ZNF469: variants seen among roughly 807,000 people sequenced by gnomAD.
The protein encoded by ZNF469 is zinc finger protein 469.
ZNF469 carries 1 observed loss-of-function variant against 1.0 expected under a neutral mutation model. That is an observed-to-expected ratio of 1.00 (90% CI 0.35 to 4.73). The LOEUF is 4.73. Among genes scored for constraint, ZNF469 ranks in the 30% most tolerant of loss-of-function variants. ZNF469 has a pLI of 0.16. For missense variants in ZNF469, 6,100 were observed against 5,356.3 expected (o/e 1.14, Z -4.33); for synonymous variants, 2,703 against 2,363.4 (o/e 1.14, Z -4.17).
chr16:88,244,397 A>G, the ZNF469 span, among the ~76,000 whole-genome samples: 42 of 25,864 alleles, frequency 1.6e-3, no homozygotes, highest in African/African-American at 2.2e-3. Flanking sequence ...GCATGGGTGG[A>G]TGGATGGATG....
rs115032612 is a variant in ZNF469, at chr16:88,416,796, G to A, written c.-191-8011G>A. 1.5e-3 allele frequency among the ~76,000 whole-genome samples: 226 copies of A among 152,182 alleles called. 1 individual carries two copies. The highest frequency in any genetic ancestry group is 5.2e-3 in the African/African-American group (215 of 41,506). On this transcript the variant is annotated intron_variant, in intron 1 of 2. Coordinates refer to ENST00000565624, the MANE Select transcript of ZNF469 (RefSeq NM_001367624.2). Reference sequence around the variant, plus strand: ...TTCGCCCTTCCAGGGCTCCCTCCACGGGACCCAGCCTGCAGAAGGGTCCTG... The same window carrying A: ...TTCGCCCTTCCAGGGCTCCCTCCACAGGACCCAGCCTGCAGAAGGGTCCTG...
the ZNF469 span, among the ~76,000 whole-genome samples, chr16:88,336,398 A>G: frequency 1.3e-4 from 19 of 151,370 alleles, no homozygotes; most frequent in South Asian, 3.1e-3. Context: ...ACACATGTTC[A>G]TCCTTCACGT....
intron 1 of ZNF469, among the ~76,000 whole-genome samples, chr16:88,407,974 C>G (rs1226452717): frequency 2.0e-5 from 3 of 152,248 alleles, no homozygotes; most frequent in Admixed American, 6.5e-5. Flanking sequence ...CGGGCACTCA[C>G]TCCCCTTGCC....
At chr16:88,200,257 G>A in the ZNF469 span, among the ~76,000 whole-genome samples, 24 of 152,344 alleles carry the variant, frequency 1.6e-4, no homozygotes, top group East Asian at 4.1e-3. Context: ...AGTGGGAAAC[G>A]GAGAAAGGGC....
chr16:88,127,599 A>G, the ZNF469 span, among the ~76,000 whole-genome samples: 5 of 152,128 alleles, frequency 3.3e-5, no homozygotes, highest in Admixed American at 6.5e-5. Context: ...ATTTGTTGAG[A>G]GTGGAAAGGC....
chr16:88,116,550 G>A, the ZNF469 span, among the ~76,000 whole-genome samples: 2 of 152,158 alleles, frequency 1.3e-5, no homozygotes, highest in Admixed American at 6.5e-5. Flanking sequence ...GCCAAAAACC[G>A]TGCAGCTGCA....
chr16:88,357,632 G>T, the ZNF469 span, among the ~76,000 whole-genome samples: 1 of 152,214 alleles, frequency 6.6e-6, no homozygotes, highest in African/African-American at 2.4e-5. Context: ...GAAGAGGGGG[G>T]GCCCGGGCTT....
the ZNF469 span, among the ~76,000 whole-genome samples, chr16:88,193,210 ATGGTGGTGATGGTGGTGGTGGGGATGG>A: frequency 2.0e-4 from 3 of 14,768 alleles, no homozygotes; most frequent in Admixed American, 6.6e-4. Context: ...GGTGGTGGGG[ATGGTGGTGATGGTGGTGGTGGGGATGG>A]TGGTGGTGGT....
At chr16:88,422,991 G>A (rs1905542996) in intron 1 of ZNF469, among the ~76,000 whole-genome samples, 2 of 150,610 alleles carry the variant, frequency 1.3e-5, no homozygotes, top group African/African-American at 2.5e-5. Flanking sequence ...ATGGATGGAT[G>A]GATAGATGGA....
the ZNF469 span, among the ~76,000 whole-genome samples, chr16:88,162,140 A>C: frequency 3.3e-5 from 5 of 152,204 alleles, no homozygotes; most frequent in Non-Finnish European, 7.3e-5. Context: ...CTCCACATGG[A>C]AACATGAGAG....
chr16:88,244,198 T>G, the ZNF469 span, among the ~76,000 whole-genome samples: 1 of 131,366 alleles, frequency 7.6e-6, no homozygotes, highest in African/African-American at 2.9e-5. Context: ...GATGGATGGG[T>G]GGATACATGC....
At chr16:88,246,874 AG>A in the ZNF469 span, among the ~76,000 whole-genome samples, 3 of 152,018 alleles carry the variant, frequency 2.0e-5, no homozygotes, top group African/African-American at 2.4e-5. Context: ...TGAATGAGTG[AG>A]TGAATGAATG....
chr16:88,219,871 G>T, the ZNF469 span, among the ~76,000 whole-genome samples: 1 of 152,084 alleles, frequency 6.6e-6, no homozygotes, highest in African/African-American at 2.4e-5. Flanking sequence ...GCCCTCCGTG[G>T]GTACAGCTCA....
At chr16:88,148,382 C>A in the ZNF469 span, among the ~76,000 whole-genome samples, 1 of 152,188 alleles carries the variant, frequency 6.6e-6, no homozygotes, top group African/African-American at 2.4e-5. Flanking sequence ...CGGACACACA[C>A]CAATGGCCCA....
chr16:88,301,176 A>G, the ZNF469 span, among the ~76,000 whole-genome samples: 1 of 149,846 alleles, frequency 6.7e-6, no homozygotes, highest in Non-Finnish European at 1.5e-5. Context: ...TTTTTTTGAG[A>G]TGGAGTCTCG....
the ZNF469 span, among the ~76,000 whole-genome samples, chr16:88,263,469 C>G: frequency 1.3e-5 from 2 of 152,188 alleles, no homozygotes; most frequent in Non-Finnish European, 2.9e-5. Context: ...GGGAGATGTT[C>G]TGTGCCAACG....
the ZNF469 span, among the ~76,000 whole-genome samples, chr16:88,200,944 G>A: frequency 7.2e-5 from 11 of 152,226 alleles, no homozygotes; most frequent in Middle Eastern, 6.3e-3. Flanking sequence ...GGGGACCTCC[G>A]GCCCTGCCTG....
At chr16:88,408,391 A>G (rs1905068708) in intron 1 of ZNF469, among the ~76,000 whole-genome samples, 1 of 152,206 alleles carries the variant, frequency 6.6e-6, no homozygotes, top group African/African-American at 2.4e-5. Context: ...ACCTCAGGTG[A>G]TCCGCCCACC....
At chr16:88,251,511 G>C in the ZNF469 span, among the ~76,000 whole-genome samples, 2 of 130,958 alleles carry the variant, frequency 1.5e-5, no homozygotes, top group South Asian at 5.3e-4. Flanking sequence ...TGCCATCTCT[G>C]TGGTAAGCAG....
Sources: allele counts gnomAD v4.1 joint callset (sites outside exome capture counted in the v4.1 genomes callset), GRCh38; gene constraint gnomAD v4.1.1; transcripts MANE v1.5; gene names NCBI Gene and HGNC (gene_info 2026-07-23, HGNC 2026-07-21).